SYT1: variants seen among roughly 807,000 people sequenced by gnomAD.
The protein encoded by SYT1 is synaptotagmin 1.
In SYT1, 8 loss-of-function variants were observed where a neutral mutation model predicts 44.8. The observed-to-expected ratio is 0.18, with a 90% CI of 0.10 to 0.32. The LOEUF is 0.32. SYT1 is among the 10% of genes least tolerant of loss of function. The pLI is 1.00. For missense variants in SYT1, 286 were observed against 509.3 expected, an observed-to-expected ratio of 0.56 and a Z score of 4.22; for synonymous variants, 154 against 188.8, an observed-to-expected ratio of 0.82 and a Z score of 1.51.
chr12:79,001,751 T>C (rs1276905378), intron 2 of SYT1, among the ~76,000 whole-genome samples: 1 of 152,200 alleles, frequency 6.6e-6, no homozygotes, highest in African/African-American at 2.4e-5. Flanking sequence ...ATAATATTTT[T>C]GTCAAAGTGA....
intron 1 of SYT1, among the ~76,000 whole-genome samples, chr12:78,940,154 A>T (rs1348950898): frequency 6.6e-6 from 1 of 151,994 alleles, no homozygotes; most frequent in East Asian, 1.9e-4. Context: ...CTTAGTCACT[A>T]CTCAAAAAAT....
chr12:78,865,384 C>T (rs973118164), intron 1 of SYT1, among the ~76,000 whole-genome samples: 3 of 152,110 alleles, frequency 2.0e-5, no homozygotes, highest in African/African-American at 2.4e-5. Flanking sequence ...CTCTCTCCTC[C>T]GTCCCCCACC....
intron 2 of SYT1, among the ~76,000 whole-genome samples, chr12:78,981,131 T>G (rs1197117335): frequency 1.3e-4 from 20 of 149,082 alleles, no homozygotes; most frequent in South Asian, 2.1e-4. Context: ...CTTTGTTTTT[T>G]TTTTTTTTTT....
At chr12:78,996,442 T>A (rs1296830094) in intron 2 of SYT1, among the ~76,000 whole-genome samples, 1 of 152,188 alleles carries the variant, frequency 6.6e-6, no homozygotes, top group East Asian at 1.9e-4. Context: ...AAGAATGAGA[T>A]GGGAACTCTG....
intron 3 of SYT1, among the ~76,000 whole-genome samples, chr12:79,050,247 A>G (rs1874376938): frequency 6.6e-6 from 1 of 152,092 alleles, no homozygotes; most frequent in African/African-American, 2.4e-5. Context: ...TTTACTATTC[A>G]TTAAGTGGAA....
chr12:78,941,519 G>A (rs1041152200), intron 1 of SYT1, among the ~76,000 whole-genome samples: 1 of 151,908 alleles, frequency 6.6e-6, no homozygotes, highest in African/African-American at 2.4e-5. Flanking sequence ...TACATCTACT[G>A]CATGCTTTGC....
intron 4 of SYT1, among the ~76,000 whole-genome samples, chr12:79,221,184 T>C (rs1875136582): frequency 6.6e-6 from 1 of 152,178 alleles, no homozygotes; most frequent in African/African-American, 2.4e-5. Flanking sequence ...AATGACCTTT[T>C]TATTTCTTTT....
chr12:78,949,163 A>G (rs1878829439), intron 1 of SYT1, among the ~76,000 whole-genome samples: 1 of 151,676 alleles, frequency 6.6e-6, no homozygotes, highest in Non-Finnish European at 1.5e-5. Flanking sequence ...CTGAGCTAAT[A>G]TGAGAACACA....
At chr12:78,908,363 C>T (rs1317962044) in intron 1 of SYT1, among the ~76,000 whole-genome samples, 7 of 133,030 alleles carry the variant, frequency 5.3e-5, no homozygotes, top group East Asian at 2.2e-4. Flanking sequence ...ATTTTGAAGA[C>T]GGATCAGTTT....
intron 3 of SYT1, among the ~76,000 whole-genome samples, chr12:79,194,546 C>T (rs1290500135): frequency 9.9e-5 from 15 of 152,070 alleles, no homozygotes; most frequent in Middle Eastern, 3.4e-3. Flanking sequence ...CCCCCTGCCT[C>T]GACCTCCCAA....
chr12:79,441,169 G>A (rs1158321007), intron 9 of SYT1, among the ~76,000 whole-genome samples: 1 of 152,194 alleles, frequency 6.6e-6, no homozygotes, highest in Non-Finnish European at 1.5e-5. Context: ...GACTAAGTTG[G>A]GAATTTTGCC....
In SYT1 at chr12:78,909,786, C is replaced by G. The variant is rs1256879443; in HGVS notation, c.-217+44677C>G. Among the ~76,000 whole-genome samples the G allele has an allele frequency of 3.3e-5, 5 of 152,110 alleles. No homozygotes were observed. The East Asian group carries it at 7.7e-4, about 24-fold the overall frequency. Reference sequence around the variant, plus strand: ...ACCTATCTCAATATAATCCATTTCACTTTTGGTTGTTGTAATTCATTTTAC... The same window carrying G: ...ACCTATCTCAATATAATCCATTTCAGTTTTGGTTGTTGTAATTCATTTTAC... On this transcript the variant is annotated intron_variant, in intron 1 of 10. Coordinates refer to ENST00000261205, the MANE Select transcript of SYT1 (RefSeq NM_005639.3).
intron 9 of SYT1, among the ~76,000 whole-genome samples, chr12:79,404,776 G>A (rs1593038840): frequency 6.6e-6 from 1 of 152,214 alleles, no homozygotes; most frequent in South Asian, 2.1e-4. Context: ...GGCCTTTAGG[G>A]AAAAAATGTT....
chr12:78,912,672 A>T (rs531088778), intron 1 of SYT1, among the ~76,000 whole-genome samples: 5 of 152,092 alleles, frequency 3.3e-5, no homozygotes, highest in South Asian at 2.1e-4. Context: ...GGAACTTTTT[A>T]AAAAAGATGC....
At chr12:79,342,187 C>T (rs1173656672) in intron 8 of SYT1, among the ~76,000 whole-genome samples, 1 of 152,100 alleles carries the variant, frequency 6.6e-6, no homozygotes, top group Non-Finnish European at 1.5e-5. Flanking sequence ...CCTTTTAACT[C>T]AAGAGAGATA....
At chr12:79,095,359 A>T (rs1592744474) in intron 3 of SYT1, among the ~76,000 whole-genome samples, 1 of 152,032 alleles carries the variant, frequency 6.6e-6, no homozygotes, top group South Asian at 2.1e-4. Context: ...AAAGGATTTT[A>T]ACTTTGTTCT....
At chr12:79,007,869 G>C (rs118170710) in intron 2 of SYT1, among the ~76,000 whole-genome samples, 3,752 of 152,172 alleles carry the variant, frequency 0.025, 78 homozygotes, top group Non-Finnish European at 0.041. Context: ...TGGATAAAAA[G>C]TATGAGTAAT....
intron 3 of SYT1, among the ~76,000 whole-genome samples, chr12:79,083,434 T>C (rs897049358): frequency 5.9e-5 from 9 of 151,952 alleles, no homozygotes; most frequent in African/African-American, 2.2e-4. Context: ...CCATAAGGAG[T>C]TATGGGCCAG....
At chr12:79,314,853 G>A (rs931367780) in intron 8 of SYT1, among the ~76,000 whole-genome samples, 4 of 152,100 alleles carry the variant, frequency 2.6e-5, no homozygotes, top group African/African-American at 9.7e-5. Context: ...GCAAAATGTG[G>A]TATATCCATA....
Sources: gnomAD v4.1 joint callset for allele counts (sites outside exome capture counted in the v4.1 genomes callset) on GRCh38, gnomAD v4.1.1 for gene constraint, MANE v1.5 for transcripts, NCBI Gene and HGNC (gene_info 2026-07-23, HGNC 2026-07-21) for gene names.